LYZL4: variants seen among roughly 807,000 people sequenced by gnomAD.
The protein encoded by LYZL4 is lysozyme like 4, also known as lysozyme-like protein 4.
In LYZL4, 13 loss-of-function variants were observed where a neutral mutation model predicts 17.6. That is an observed-to-expected ratio of 0.74 (90% CI 0.48 to 1.18). The LOEUF is 1.18. Among genes scored for constraint, LYZL4 ranks in the 50% most tolerant of loss-of-function variants. LYZL4 has a pLI of 0.00. For synonymous variants in LYZL4, 64 were observed against 67.7 expected (o/e 0.95, Z 0.27); for missense variants, 174 against 188.2 (o/e 0.92, Z 0.44).
At chr3:42,409,410 A>T (rs563711868) in intron 1 of LYZL4, among the ~76,000 whole-genome samples, 4 of 152,300 alleles carry the variant, frequency 2.6e-5, no homozygotes, top group African/African-American at 7.2e-5. Context: ...ATAATAATTA[A>T]AAAAAGTGAA....
chr3:42,404,640 T>C (rs997925885), intron 3 of LYZL4, among the ~76,000 whole-genome samples: 1 of 152,192 alleles, frequency 6.6e-6, no homozygotes, highest in African/African-American at 2.4e-5. Context: ...CCCATTGGAT[T>C]CTGGAGAGAT....
chr3:42,367,081 C>T, the LYZL4 span, among the ~76,000 whole-genome samples: 15 of 152,316 alleles, frequency 9.8e-5, no homozygotes, highest in African/African-American at 2.4e-4. Flanking sequence ...GGGATCAGCT[C>T]CTTCTAGCTA....
chr3:42,384,035 C>T, the LYZL4 span, among the ~76,000 whole-genome samples: 1 of 152,250 alleles, frequency 6.6e-6, no homozygotes, highest in South Asian at 2.1e-4. Context: ...GAAATAGACC[C>T]CACATTGAGG....
At chr3:42,381,735 TG>T in the LYZL4 span, among the ~76,000 whole-genome samples, 3 of 152,202 alleles carry the variant, frequency 2.0e-5, no homozygotes, top group Non-Finnish European at 4.4e-5. Flanking sequence ...TTTCACTGGG[TG>T]GAGATCACTG....
downstream of LYZL4, among the ~76,000 whole-genome samples, chr3:42,394,144 C>T (rs530049837): frequency 2.4e-4 from 36 of 152,304 alleles, no homozygotes; most frequent in African/African-American, 7.9e-4. Context: ...TGTAGATTTC[C>T]ACACTGTCTT....
chr3:42,402,319 C>CTTTT (rs71616046), intron 4 of LYZL4, among the ~76,000 whole-genome samples: 1 of 138,292 alleles, frequency 7.2e-6, no homozygotes, highest in African/African-American at 2.8e-5. Context: ...TCTTTTCTTT[C>CTTTT]TTTTTTTTTT....
chr3:42,378,929 G>A, the LYZL4 span, among the ~76,000 whole-genome samples: 3 of 152,170 alleles, frequency 2.0e-5, no homozygotes, highest in South Asian at 2.1e-4. Context: ...CCCAAAAATC[G>A]CACCTAGCAA....
At chr3:42,364,368 G>T in the LYZL4 span, among the ~76,000 whole-genome samples, 1 of 135,294 alleles carries the variant, frequency 7.4e-6, no homozygotes, top group African/African-American at 2.8e-5. Flanking sequence ...TTCAGGCGGA[G>T]TCTTGCTCTT....
chr3:42,389,906 G>A, the LYZL4 span, among the ~76,000 whole-genome samples: 1 of 152,152 alleles, frequency 6.6e-6, no homozygotes, highest in Admixed American at 6.5e-5. Context: ...GACTGAGGAA[G>A]AAAAAGCTCC....
Position 42,397,163 on chromosome 3 carries a change from A to G in LYZL4, c.*102T>C. ...TTGTCTTTTTCCATCTGGAACTCTT[A>G]AAGTGGTGAGATCATCAAAAGGATT... On this transcript the variant is annotated 3_prime_UTR_variant, in exon 5 of 5. Coordinates refer to ENST00000287748, the MANE Select transcript of LYZL4 (RefSeq NM_144634.4). 1.2e-6 allele frequency: 1 copy of G among 834,840 alleles called. No homozygotes were observed. Among genetic ancestry groups the G allele is most frequent in the Admixed American group, 2.4e-5 (1 of 40,906 alleles). The allele number at this position is 834,840 out of a possible 1,614,324, so 51.7% of individuals were successfully genotyped here.
At chr3:42,407,522 T>C (rs772162370) in intron 1 of LYZL4, 179 bp from the exon 2 acceptor site, 99 of 468,906 alleles carry the variant, frequency 2.1e-4, no homozygotes, top group Non-Finnish European at 3.4e-4. Context: ...GAAATTGCAC[T>C]CTTGAGGCCC....
At chr3:42,381,150 T>C in the LYZL4 span, among the ~76,000 whole-genome samples, 1 of 152,206 alleles carries the variant, frequency 6.6e-6, no homozygotes. Context: ...ATGCCTGCTA[T>C]GGTAGGCTAC....
intron 4 of LYZL4, among the ~76,000 whole-genome samples, chr3:42,402,029 A>C (rs1698662821): frequency 6.6e-6 from 1 of 152,074 alleles, no homozygotes; most frequent in African/African-American, 2.4e-5. Context: ...CCTCAAGACC[A>C]AGGAATAGGC....
Position 42,406,933 on chromosome 3 carries a change from C to T in LYZL4, c.205G>A (p.Gly69Ser). 2 of 1,614,202 alleles carry T rather than the reference C, an allele frequency of 1.2e-6. No individual in the cohort carries two copies. The highest frequency in any genetic ancestry group is 1.7e-5 in the Admixed American group (1 of 60,032). Residue 69 changes from glycine (G) to serine (S), a missense_variant, in exon 3 of 5, where the codon GGC (glycine) becomes AGC (serine). By Grantham distance (56) the Gly-to-Ser change is moderately conservative (BLOSUM62 0). Coordinates refer to ENST00000287748, the MANE Select transcript of LYZL4 (RefSeq NM_144634.4). ...PMAIYENTRE[G>S]YTGFGLFQMR... Reference sequence around the variant, plus strand: ...TGAAAGAGGCCAAAGCCAGTGTAGCCCTCACGTGTGTTCTCGTAGATGGCC... The same window carrying T: ...TGAAAGAGGCCAAAGCCAGTGTAGCTCTCACGTGTGTTCTCGTAGATGGCC...
the LYZL4 span, among the ~76,000 whole-genome samples, chr3:42,385,446 A>T: frequency 6.6e-6 from 1 of 152,182 alleles, no homozygotes; most frequent in Non-Finnish European, 1.5e-5. Flanking sequence ...GCTATATTGC[A>T]TGTAGCCTAG....
the LYZL4 span, among the ~76,000 whole-genome samples, chr3:42,370,668 T>C: frequency 2.1e-5 from 3 of 142,292 alleles, no homozygotes; most frequent in African/African-American, 7.4e-5. Context: ...CTACCACTAT[T>C]TCCTTCTACA....
Position 42,397,262 on chromosome 3 carries a change from T to A in LYZL4, c.*3A>T, listed in dbSNP as rs13054. On this transcript the variant is annotated 3_prime_UTR_variant, in exon 5 of 5. Coordinates refer to ENST00000287748, the MANE Select transcript of LYZL4 (RefSeq NM_144634.4). ...GTGAGTGCTGCAGGGGCCATGCAGG[T>A]GGCTACAGCTTGCAACCATCCAGCC... 1.9e-6 allele frequency: 3 copies of A among 1,558,040 alleles called. No individual in the cohort carries two copies. The Admixed American group carries it at 5.7e-5, about 30-fold the overall frequency.
chr3:42,373,958 A>C, the LYZL4 span, among the ~76,000 whole-genome samples: 5 of 152,178 alleles, frequency 3.3e-5, no homozygotes, highest in Non-Finnish European at 7.4e-5. Context: ...AGGATAATGA[A>C]ATGAAAAAGT....
chr3:42,403,991 T>A, intron 4 of LYZL4, 55 bp downstream of exon 4: 2 of 1,268,752 alleles, frequency 1.6e-6, no homozygotes, highest in Non-Finnish European at 2.3e-6. Context: ...AGATTCAGAT[T>A]AGAGATCATG....
Sources: allele counts gnomAD v4.1 joint callset (sites outside exome capture counted in the v4.1 genomes callset), GRCh38; gene constraint gnomAD v4.1.1; transcripts MANE v1.5; gene names NCBI Gene and HGNC (gene_info 2026-07-23, HGNC 2026-07-21).